Variants in KCNQ4 observed in about 807,000 individuals in gnomAD.
The protein encoded by KCNQ4 is potassium voltage-gated channel subfamily KQT member 4.
A neutral mutation model predicts 72.6 loss-of-function variants in KCNQ4; 31 were observed. The ratio of observed to expected loss-of-function variants is 0.43; its 90% confidence interval spans 0.32 to 0.58. The LOEUF is 0.58. KCNQ4 is among the 20% of genes least tolerant of loss of function. The pLI is 0.08. For synonymous variants in KCNQ4, 405 were observed against 403.7 expected, an observed-to-expected ratio of 1.00 and a Z score of -0.04; for missense variants, 869 against 962.6, an observed-to-expected ratio of 0.90 and a Z score of 1.29.
chr1:40,837,109 A>G (rs1320391483), intron 12 of KCNQ4, among the ~76,000 whole-genome samples: 1 of 114,460 alleles, frequency 8.7e-6, no homozygotes, highest in Non-Finnish European at 1.9e-5. Context: ...TTTTTTTGAG[A>G]CAGTATCTTG....
chr1:40,803,933 C>G (rs1262122372), intron 1 of KCNQ4, among the ~76,000 whole-genome samples: 4 of 152,220 alleles, frequency 2.6e-5, no homozygotes, highest in African/African-American at 9.7e-5. Context: ...CACCTGAGCT[C>G]CCCAGGGAAC....
chr1:40,829,127 C>A (rs1439504480), intron 9 of KCNQ4, among the ~76,000 whole-genome samples: 2 of 152,216 alleles, frequency 1.3e-5, no homozygotes. Flanking sequence ...ATGTGGTGGG[C>A]GCAGTGATGT....
chr1:40,830,291 G>A (rs1004786013), intron 9 of KCNQ4, among the ~76,000 whole-genome samples: 1 of 152,154 alleles, frequency 6.6e-6, no homozygotes, highest in African/African-American at 2.4e-5. Flanking sequence ...TGTGGGCCCA[G>A]CAGCTAGAAC....
chr1:40,823,925 T>C (rs749398864), intron 8 of KCNQ4, among the ~76,000 whole-genome samples, 172 bp from the exon 9 acceptor site: 21 of 151,876 alleles, frequency 1.4e-4, no homozygotes, highest in Non-Finnish European at 2.6e-4. Context: ...AGAAAGGGAG[T>C]GGGGAAGGCC....
chr1:40,832,773 C>T (rs1648687227), intron 10 of KCNQ4, among the ~76,000 whole-genome samples: 1 of 152,148 alleles, frequency 6.6e-6, no homozygotes, highest in African/African-American at 2.4e-5. Context: ...GCAGCTCCCA[C>T]CTACCCACCA....
rs775485850 is a variant in KCNQ4, at chr1:40,838,484, G to T, written c.2049G>T (p.Thr683=). The part of the protein sequence containing the change: ...DHEDISVSAQ[T]LSISRSVSTN... ...AGGACATCTCCGTCTCCGCACAGAC[G>T]CTCAGCATCTCCCGCTCGGTCAGCA... The change falls in exon 14 of 14, where the codon ACG becomes ACT. Residue 683 remains threonine (T), a synonymous_variant. Coordinates refer to ENST00000347132, the MANE Select transcript of KCNQ4 (RefSeq NM_004700.4). 1 of 1,614,142 alleles carries T rather than the reference G, an allele frequency of 6.2e-7. No homozygotes were observed. Among genetic ancestry groups the T allele is most frequent in the African/African-American group, 1.3e-5 (1 of 75,062 alleles).
chr1:40,791,267 G>A (rs147239568), intron 1 of KCNQ4, among the ~76,000 whole-genome samples: 2,361 of 152,284 alleles, frequency 0.016, 74 homozygotes, highest in African/African-American at 0.054. Flanking sequence ...GCACACAGTC[G>A]TGGTGGGCAA....
At chr1:40,815,505 C>T (rs1648059552) in intron 1 of KCNQ4, among the ~76,000 whole-genome samples, 1 of 152,188 alleles carries the variant, frequency 6.6e-6, no homozygotes, top group Admixed American at 6.5e-5. Context: ...CATGTGGCCG[C>T]TGCCTTTTTT....
At chr1:40,813,742 GT>G (rs1192737285) in intron 1 of KCNQ4, among the ~76,000 whole-genome samples, 2 of 151,608 alleles carry the variant, frequency 1.3e-5, no homozygotes, top group East Asian at 1.9e-4. Flanking sequence ...TCTTGTTTTT[GT>G]TTTTGTTTTT....
rs921904898 is a variant in KCNQ4, at chr1:40,784,276, G to C, written c.183G>C (p.Pro61=). 6.5e-7 allele frequency: 1 copy of C among 1,533,726 alleles called. No individual in the cohort carries two copies. The highest frequency in any genetic ancestry group is 8.7e-7 in the Non-Finnish European group (1 of 1,146,270). Reference sequence around the variant, plus strand: ...CGCCGGGCGCGCCCCTCCCTGGGCCGGGCTCCGGCTCGGGCTCCGCCTGCG... The same window carrying C: ...CGCCGGGCGCGCCCCTCCCTGGGCCCGGCTCCGGCTCGGGCTCCGCCTGCG... ...PLPPGAPLPG[P]GSGSGSACGQ... The change falls in exon 1 of 14, where the codon CCG becomes CCC. Residue 61 remains proline (P), a synonymous_variant. Transcript: ENST00000347132. The surrounding 1 kb of genome is among the most constrained non-coding windows in gnomAD (Gnocchi z 4.1).
intron 1 of KCNQ4, among the ~76,000 whole-genome samples, chr1:40,804,283 GA>G (rs1647682898): frequency 6.6e-6 from 1 of 152,192 alleles, no homozygotes; most frequent in Non-Finnish European, 1.5e-5. Context: ...GCAGGTGCCT[GA>G]GTCCTTCTAC....
At chr1:40,822,093 C>T (rs767221338) in intron 7 of KCNQ4, among the ~76,000 whole-genome samples, 1 of 152,216 alleles carries the variant, frequency 6.6e-6, no homozygotes, top group Non-Finnish European at 1.5e-5. Flanking sequence ...CTCTATGGCC[C>T]CTGGCTCTGA....
chr1:40,807,069 A>G (rs1647787149), intron 1 of KCNQ4, among the ~76,000 whole-genome samples: 1 of 152,198 alleles, frequency 6.6e-6, no homozygotes, highest in East Asian at 1.9e-4. Context: ...GCCCAGGGGA[A>G]GGGATGCCTG....
At chr1:40,836,698 G>GAA (rs1194703117) in intron 12 of KCNQ4, among the ~76,000 whole-genome samples, 8 of 152,148 alleles carry the variant, frequency 5.3e-5, no homozygotes, top group Non-Finnish European at 1.2e-4. Context: ...ACTGGGAGAG[G>GAA]GTGGTGTTTC....
intron 9 of KCNQ4, among the ~76,000 whole-genome samples, chr1:40,830,136 A>G (rs1295118252): frequency 6.6e-6 from 1 of 152,160 alleles, no homozygotes; most frequent in African/African-American, 2.4e-5. Context: ...ATCGGGGGGT[A>G]GATCTTTAGC....
chr1:40,825,758 C>T (rs560782888), intron 9 of KCNQ4, among the ~76,000 whole-genome samples: 1 of 152,312 alleles, frequency 6.6e-6, no homozygotes, highest in South Asian at 2.1e-4. Context: ...TGTCCAGGAC[C>T]TGAGCCAGGG....
chr1:40,828,933 A>G (rs1343608530), intron 9 of KCNQ4, among the ~76,000 whole-genome samples: 2 of 152,230 alleles, frequency 1.3e-5, no homozygotes, highest in East Asian at 3.8e-4. Context: ...GAACCCCACA[A>G]ACCAGACTGG....
At chr1:40,815,413 G>A (rs990108079) in intron 1 of KCNQ4, among the ~76,000 whole-genome samples, 2 of 152,148 alleles carry the variant, frequency 1.3e-5, no homozygotes, top group East Asian at 3.9e-4. Flanking sequence ...GCCATTCCCC[G>A]AGGAGAGGGC....
Position 40,817,741 on chromosome 1 carries a change from T to C in KCNQ4, c.405+386T>C, listed in dbSNP as rs1648142657. Among the ~76,000 whole-genome samples the C allele has an allele frequency of 6.6e-6, 1 of 152,210 alleles. No homozygotes were observed. The highest frequency in any genetic ancestry group is 1.5e-5 in the Non-Finnish European group (1 of 68,038). On this transcript the variant is annotated intron_variant, in intron 2 of 13. Coordinates refer to ENST00000347132, the MANE Select transcript of KCNQ4 (RefSeq NM_004700.4). The surrounding 1 kb of genome is among the most constrained non-coding windows in gnomAD (Gnocchi z 5.5). Reference sequence around the variant, plus strand: ...AATAGAAGTGAGTAGGCTCCACCCCTTCTCAGGACAAAATCTGCAAACTCC... The same window carrying C: ...AATAGAAGTGAGTAGGCTCCACCCCCTCTCAGGACAAAATCTGCAAACTCC...
Sources: allele counts gnomAD v4.1 joint callset (sites outside exome capture counted in the v4.1 genomes callset), GRCh38; gene constraint gnomAD v4.1.1; non-coding constraint Gnocchi (gnomAD v3.1); transcripts MANE v1.5; gene names NCBI Gene and HGNC (gene_info 2026-07-23, HGNC 2026-07-21).